Variants in JAM3 observed in about 807,000 individuals in gnomAD.
JAM3 encodes the protein junctional adhesion molecule 3.
JAM3 carries 31 observed loss-of-function variants against 39.4 expected under a neutral mutation model. The ratio of observed to expected loss-of-function variants is 0.79; its 90% confidence interval spans 0.59 to 1.06. JAM3 has a LOEUF of 1.06. Ranked by LOEUF, JAM3 falls within the 50% of genes least tolerant of loss-of-function variation. The pLI is 0.00. For missense variants in JAM3, 455 were observed against 391.4 expected, an observed-to-expected ratio of 1.16 and a Z score of -1.37; for synonymous variants, 182 against 148.7, an observed-to-expected ratio of 1.22 and a Z score of -1.63.
chr11:134,110,188 A>C (rs1193039663), intron 1 of JAM3, among the ~76,000 whole-genome samples: 3 of 152,256 alleles, frequency 2.0e-5, no homozygotes, highest in Non-Finnish European at 2.9e-5. Flanking sequence ...GAGGGTATCA[A>C]AAACAAGATT....
At chr11:134,140,633 C>T (rs1942956952) in intron 2 of JAM3, 24 bp from the exon 3 acceptor site, 2 of 1,587,732 alleles carry the variant, frequency 1.3e-6, no homozygotes, top group Admixed American at 1.7e-5. Flanking sequence ...TCACCGAGAG[C>T]TCTTTTTCTT....
intron 1 of JAM3, among the ~76,000 whole-genome samples, chr11:134,138,663 T>C (rs1357604217): frequency 6.6e-6 from 1 of 152,150 alleles, no homozygotes; most frequent in Non-Finnish European, 1.5e-5. Context: ...CCAGAGGGAG[T>C]AGCCATGGTT....
chr11:134,072,650 G>A (rs558580475), intron 1 of JAM3, among the ~76,000 whole-genome samples: 58 of 152,338 alleles, frequency 3.8e-4, no homozygotes, highest in African/African-American at 1.4e-3. Flanking sequence ...GCCGGGTACA[G>A]TGGCTCACGC....
intron 4 of JAM3, 108 bp from the exon 5 acceptor site, chr11:134,144,684 G>A: frequency 1.9e-6 from 2 of 1,039,622 alleles, no homozygotes; most frequent in Non-Finnish European, 3.0e-6. Flanking sequence ...CAGTGGCGTG[G>A]GAACCCCTCG....
In JAM3 at chr11:134,104,589, C is replaced by A. The variant is rs1464682797; in HGVS notation, c.77-35262C>A. Among the ~76,000 whole-genome samples the A allele has an allele frequency of 2.0e-5, 3 of 151,952 alleles. No homozygotes were observed. In the East Asian group the frequency reaches 5.8e-4, roughly 29 times the overall value. On this transcript the variant is annotated intron_variant, in intron 1 of 8. Coordinates refer to ENST00000299106, the MANE Select transcript of JAM3 (RefSeq NM_032801.5). ...CCAGGAGCTGGGTTTTTGAAAAGAT[C>A]AACAAAATTGATAGACCGCTAGCAA...
At chr11:134,148,854 C>T (rs1434794917) in intron 8 of JAM3, 36 bp downstream of exon 8, 1 of 1,602,800 alleles carries the variant, frequency 6.2e-7, no homozygotes, top group East Asian at 2.2e-5. Context: ...CTAGGTGTAC[C>T]CAGCAGGGAA....
intron 1 of JAM3, among the ~76,000 whole-genome samples, chr11:134,104,745 G>C (rs1490630061): frequency 2.6e-5 from 4 of 152,080 alleles, no homozygotes; most frequent in Admixed American, 6.6e-5. Context: ...AAATAAACTA[G>C]AAAATCTAGA....
At chr11:134,094,500 C>T (rs1276850960) in intron 1 of JAM3, among the ~76,000 whole-genome samples, 1 of 150,292 alleles carries the variant, frequency 6.7e-6, no homozygotes, top group East Asian at 2.0e-4. Context: ...GAAACTTCTC[C>T]TGAACCCTCC....
At chr11:134,107,935 A>C (rs1282458517) in intron 1 of JAM3, among the ~76,000 whole-genome samples, 1 of 152,096 alleles carries the variant, frequency 6.6e-6, no homozygotes, top group Non-Finnish European at 1.5e-5. Flanking sequence ...AAGCAGAATA[A>C]AGAAGATAAT....
chr11:134,096,768 G>A (rs1159718509), intron 1 of JAM3, among the ~76,000 whole-genome samples: 1 of 152,122 alleles, frequency 6.6e-6, no homozygotes, highest in Non-Finnish European at 1.5e-5. Flanking sequence ...AATGAGTAAT[G>A]AACACGATTG....
chr11:134,120,099 C>G (rs780663081), intron 1 of JAM3, among the ~76,000 whole-genome samples: 41 of 146,524 alleles, frequency 2.8e-4, no homozygotes, highest in Non-Finnish European at 5.2e-4. Context: ...GGAACTAAGA[C>G]ATTGCTGCAA....
Position 134,113,199 on chromosome 11 carries a change from G to GTTT in JAM3, c.77-26640_77-26638dup, listed in dbSNP as rs202003305. On this transcript the variant is annotated intron_variant, in intron 1 of 8. Coordinates refer to ENST00000299106, the MANE Select transcript of JAM3 (RefSeq NM_032801.5). ...GTGGGTTCTGGGACTGGACTGTCTGGTTTTTTTTTTTTTTAATACTTTAAG... is the reference window on the plus strand; with the variant it reads ...GTGGGTTCTGGGACTGGACTGTCTGGTTTTTTTTTTTTTTTTTAATACTTTAAG... Among the ~76,000 whole-genome samples the GTTT allele has an allele frequency of 2.2e-4, 32 of 144,932 alleles. No individual in the cohort carries two copies. The South Asian group carries it at 5.0e-3, about 23-fold the overall frequency.
At chr11:134,132,790 T>TG (rs372824276) in intron 1 of JAM3, among the ~76,000 whole-genome samples, 17 of 152,210 alleles carry the variant, frequency 1.1e-4, no homozygotes, top group South Asian at 2.1e-4. Flanking sequence ...CGAGAATGTC[T>TG]GGGGGGGCCT....
chr11:134,118,981 T>TTG (rs962011301), intron 1 of JAM3, among the ~76,000 whole-genome samples: 1 of 151,932 alleles, frequency 6.6e-6, no homozygotes, highest in African/African-American at 2.4e-5. Flanking sequence ...TTTTTTTTTT[T>TTG]TTTTGATACA....
At chr11:134,148,347 C>T (rs1194447855) in intron 6 of JAM3, 200 bp from the exon 7 acceptor site, 67 of 625,856 alleles carry the variant, frequency 1.1e-4, no homozygotes, top group Admixed American at 9.7e-4. Context: ...GTACTTTTCA[C>T]GTGTGAAGTT....
intron 3 of JAM3, among the ~76,000 whole-genome samples, chr11:134,143,892 T>A (rs1412938023): frequency 6.6e-6 from 1 of 152,244 alleles, no homozygotes; most frequent in Non-Finnish European, 1.5e-5. Flanking sequence ...TATCTCAGCA[T>A]CATTTATGAA....
chr11:134,126,775 G>A (rs984304944), intron 1 of JAM3, among the ~76,000 whole-genome samples: 5 of 152,224 alleles, frequency 3.3e-5, no homozygotes, highest in African/African-American at 1.2e-4. Flanking sequence ...GAATCTGGAA[G>A]TAAAACTGTC....
Position 134,124,327 on chromosome 11 carries a change from T to C in JAM3, c.77-15524T>C, listed in dbSNP as rs949315739. 8 of 769,260 alleles carry C rather than the reference T, an allele frequency of 1.0e-5. No individual in the cohort carries two copies. In the African/African-American group the frequency reaches 1.4e-4, roughly 13 times the overall value. 47.7% of individuals were successfully genotyped at this position (769,260 alleles called of 1,614,324 possible). Reference sequence around the variant, plus strand: ...ATCTCCACAGGGGCTGGACGGTTCATTATGGCAAATGAAAAATGTGAGTGT... The same window carrying C: ...ATCTCCACAGGGGCTGGACGGTTCACTATGGCAAATGAAAAATGTGAGTGT... On this transcript the variant is annotated intron_variant, in intron 1 of 8. Coordinates refer to ENST00000299106, the MANE Select transcript of JAM3 (RefSeq NM_032801.5).
intron 1 of JAM3, among the ~76,000 whole-genome samples, chr11:134,097,644 C>T (rs1942006440): frequency 6.6e-6 from 1 of 151,982 alleles, no homozygotes; most frequent in African/African-American, 2.4e-5. Flanking sequence ...ATTCAAGTTG[C>T]AAAGCATTAA....
Sources: allele counts gnomAD v4.1 joint callset (sites outside exome capture counted in the v4.1 genomes callset), GRCh38; gene constraint gnomAD v4.1.1; transcripts MANE v1.5; gene names NCBI Gene and HGNC (gene_info 2026-07-23, HGNC 2026-07-21).